Variants in MCM5 observed in about 807,000 individuals in gnomAD.
MCM5 encodes minichromosome maintenance complex component 5.
MCM5 carries 46 observed loss-of-function variants against 79.9 expected under a neutral mutation model. The observed-to-expected ratio is 0.58, with a 90% CI of 0.45 to 0.74. MCM5 has a LOEUF of 0.74. MCM5 is among the 30% of genes least tolerant of loss of function. The pLI, the probability that MCM5 is intolerant of heterozygous loss-of-function variation, is 0.00. For synonymous variants in MCM5, 404 were observed against 390.5 expected (o/e 1.03, Z -0.41); for missense variants, 883 against 1,017.0 (o/e 0.87, Z 1.79).
At chr22:35,438,520 CATCCATCT>C in the MCM5 span, among the ~76,000 whole-genome samples, 2 of 140,922 alleles carry the variant, frequency 1.4e-5, no homozygotes, top group South Asian at 2.2e-4. Context: ...TCTATGCATC[CATCCATCT>C]ACATATTCAT....
At position 35,415,855 on chromosome 22, in the gene MCM5, C is replaced by T. The variant is rs201100105; in HGVS notation, c.1230C>T (p.Ser410=). The change falls in exon 10 of 17, where the codon AGC becomes AGT. Residue 410 remains serine, a synonymous_variant. Coordinates refer to ENST00000216122, the MANE Select transcript of MCM5 (RefSeq NM_006739.4). ...IGVYTSGKGS[S]AAGLTASVMR... ...TATACACGTCTGGGAAAGGCAGCAGCGCAGCTGGACTGACAGCCTCGGTGA... is the reference window on the plus strand; with the variant it reads ...TATACACGTCTGGGAAAGGCAGCAGTGCAGCTGGACTGACAGCCTCGGTGA... 1.6e-5 allele frequency: 26 copies of T among 1,613,746 alleles called. No homozygotes were observed. In the African/African-American group the frequency reaches 2.0e-4, roughly 12 times the overall value.
At chr22:35,437,633 A>G in the MCM5 span, among the ~76,000 whole-genome samples, 2 of 152,158 alleles carry the variant, frequency 1.3e-5, no homozygotes, top group Non-Finnish European at 2.9e-5. Context: ...GTTCCTGACT[A>G]TCAGAGAGGA....
At chr22:35,446,341 C>T in the MCM5 span, among the ~76,000 whole-genome samples, 1 of 152,140 alleles carries the variant, frequency 6.6e-6, no homozygotes. Flanking sequence ...CATTCTAGCA[C>T]TGGGATTCCC....
chr22:35,438,653 ATCCG>A, the MCM5 span, among the ~76,000 whole-genome samples: 2 of 39,436 alleles, frequency 5.1e-5, no homozygotes, highest in African/African-American at 2.4e-4. Flanking sequence ...CCATCCATCC[ATCCG>A]TCCATCCACA....
At chr22:35,405,471 A>G (rs1487379978) in intron 4 of MCM5, among the ~76,000 whole-genome samples, 2 of 151,870 alleles carry the variant, frequency 1.3e-5, no homozygotes, top group Non-Finnish European at 2.9e-5. Flanking sequence ...GGTTCAAGCA[A>G]TTCTCCGGCC....
chr22:35,410,681 C>A, intron 6 of MCM5, 63 bp from the exon 7 acceptor site: 1 of 1,506,778 alleles, frequency 6.6e-7, no homozygotes, highest in Non-Finnish European at 9.2e-7. Flanking sequence ...TGGGTGGAAT[C>A]AGAGACTTGC....
At chr22:35,439,336 CACAT>C in the MCM5 span, among the ~76,000 whole-genome samples, 2 of 151,894 alleles carry the variant, frequency 1.3e-5, no homozygotes, top group African/African-American at 4.8e-5. Context: ...TCCATCTACC[CACAT>C]ATTCATTCAT....
At chr22:35,419,773 TG>T in intron 13 of MCM5, 110 bp from the exon 14 acceptor site, 1 of 1,111,124 alleles carries the variant, frequency 9.0e-7, no homozygotes, top group Non-Finnish European at 1.3e-6. Flanking sequence ...TGGGCAGCTG[TG>T]GTGTGGTGGG....
the MCM5 span, among the ~76,000 whole-genome samples, chr22:35,451,879 G>T: frequency 1.6e-4 from 25 of 152,334 alleles, no homozygotes; most frequent in East Asian, 4.8e-3. Flanking sequence ...GACAGACAAG[G>T]CTGATTCCAG....
chr22:35,406,344 C>T (rs1021325186), intron 4 of MCM5, among the ~76,000 whole-genome samples: 3 of 135,120 alleles, frequency 2.2e-5, no homozygotes, highest in Non-Finnish European at 4.6e-5. Context: ...AGGAGCTGTG[C>T]CTGAGGCTCC....
chr22:35,403,221 G>A lies in MCM5; in HGVS notation c.182G>A (p.Arg61Gln). 7.4e-6 allele frequency: 12 copies of A among 1,614,104 alleles called. No individual in the cohort carries two copies. Among genetic ancestry groups the A allele is most frequent in the East Asian group, 2.2e-5 (1 of 44,868 alleles). ...GCCCACTCCAGGGATGAACTCAAGC[G>A]GCATTACAACCTGGGGGAGTACTGG... ...FTFKYRDELK[R>Q]HYNLGEYWIE... Residue 61 changes from arginine (R) to glutamine (Q), a missense_variant, in exon 3 of 17, where the codon CGG (arginine) becomes CAG (glutamine). This residue lies in a region of MCM5 where 455 missense variants were observed against 517.5 expected (regional missense o/e 0.88). Transcript: ENST00000216122.
intron 13 of MCM5, among the ~76,000 whole-genome samples, chr22:35,419,425 G>A (rs1235978026): frequency 1.3e-5 from 2 of 152,312 alleles, no homozygotes; most frequent in Admixed American, 6.5e-5. Flanking sequence ...TGCAGTCACC[G>A]CCAAGCCTCC....
the MCM5 span, among the ~76,000 whole-genome samples, chr22:35,438,602 C>CCATCCACCCACATATTCATCCATCCAT: frequency 1.8e-5 from 1 of 57,076 alleles, no homozygotes; most frequent in Non-Finnish European, 3.1e-5. Flanking sequence ...CATGCATCCA[C>CCATCCACCCACATATTCATCCATCCAT]CCACCCACAT....
the MCM5 span, among the ~76,000 whole-genome samples, chr22:35,430,569 C>G: frequency 6.7e-6 from 1 of 150,320 alleles, no homozygotes; most frequent in African/African-American, 2.4e-5. Flanking sequence ...GTGGTGCGAC[C>G]TCAGCTCACT....
the MCM5 span, among the ~76,000 whole-genome samples, chr22:35,434,841 G>C: frequency 1.3e-5 from 2 of 152,164 alleles, no homozygotes; most frequent in African/African-American, 4.8e-5. Flanking sequence ...TGGGTGGGAG[G>C]GGGAAACTGA....
the MCM5 span, among the ~76,000 whole-genome samples, chr22:35,446,446 G>A: frequency 6.6e-6 from 1 of 152,132 alleles, no homozygotes; most frequent in Non-Finnish European, 1.5e-5. Flanking sequence ...GTAAGACTTT[G>A]TCTAGTACCC....
chr22:35,409,570 T>C (rs936220074), intron 6 of MCM5: 2 of 152,230 alleles, frequency 1.3e-5, no homozygotes, highest in African/African-American at 4.8e-5. Flanking sequence ...CGAGACCCTG[T>C]CTCAAAAAGG....
chr22:35,453,799 G>T, the MCM5 span, among the ~76,000 whole-genome samples: 1 of 91,166 alleles, frequency 1.1e-5, no homozygotes, highest in Non-Finnish European at 2.1e-5. Context: ...AGAGACAAAA[G>T]ATATATATAT....
At chr22:35,401,077 C>T (rs1464662786) in intron 2 of MCM5, among the ~76,000 whole-genome samples, 1 of 152,222 alleles carries the variant, frequency 6.6e-6, no homozygotes, top group African/African-American at 2.4e-5. Flanking sequence ...GCCTCAGTCT[C>T]CCAAAGTGCT....
Sources: allele counts gnomAD v4.1 joint callset (sites outside exome capture counted in the v4.1 genomes callset), GRCh38; gene constraint gnomAD v4.1.1; regional missense constraint gnomAD v4.1.1; transcripts MANE v1.5; gene names NCBI Gene and HGNC (gene_info 2026-07-23, HGNC 2026-07-21).